SPTBN5: variants seen among roughly 807,000 people sequenced by gnomAD.
SPTBN5 encodes the protein spectrin beta, non-erythrocytic 5, also known as spectrin beta chain, non-erythrocytic 5.
Under a neutral mutation model 477.6 loss-of-function variants are expected in SPTBN5, and 513 were observed. The ratio of observed to expected loss-of-function variants is 1.07; its 90% CI spans 1.00 to 1.16. SPTBN5 has a LOEUF of 1.16. SPTBN5 is among the 50% of genes most tolerant of loss of function. The probability of loss-of-function intolerance (pLI) is 0.00; values close to 1 mark genes in which losing one functional copy is unlikely to be tolerated. For missense variants in SPTBN5, 5,062 were observed against 4,731.8 expected (o/e 1.07, Z -2.05); for synonymous variants, 2,169 against 2,011.7 (o/e 1.08, Z -2.09).
In SPTBN5 at chr15:41,859,952, C is replaced by T. The variant is rs112631984; in HGVS notation, c.7988+634G>A. 5.2e-3 allele frequency among the ~76,000 whole-genome samples: 787 copies of T among 152,300 alleles called. 6 individuals are homozygous for T. The highest frequency in any genetic ancestry group is 0.018 in the African/African-American group (746 of 41,558). On this transcript the variant is annotated intron_variant, in intron 47 of 67. Transcript: ENST00000320955. ...CACCAGTCTGGGATCTGGCTTTTGACCGTATCTGCCTTGATCTAAAAGTCT... is the reference window on the plus strand; with the variant it reads ...CACCAGTCTGGGATCTGGCTTTTGATCGTATCTGCCTTGATCTAAAAGTCT...
At chr15:41,876,453 C>A in intron 20 of SPTBN5, 95 bp downstream of exon 20, 2 of 1,354,938 alleles carry the variant, frequency 1.5e-6, no homozygotes, top group African/African-American at 1.4e-5. Context: ...TGACATAGCG[C>A]GTGAGGAAAG....
chr15:41,852,561 G>C, intron 61 of SPTBN5, 73 bp downstream of exon 61: 1 of 1,486,164 alleles, frequency 6.7e-7, no homozygotes, highest in Non-Finnish European at 9.4e-7. Flanking sequence ...AGTGCCCTGG[G>C]AGACACTGAC....
At position 41,851,101 on chromosome 15, in the gene SPTBN5, C is replaced by G. The variant is rs1443494502; in HGVS notation, c.10793G>C (p.Arg3598Thr). The G allele has an allele frequency of 2.5e-6, 4 of 1,613,136 alleles. No individual in the cohort carries two copies. In the South Asian group the frequency reaches 3.3e-5, roughly 13 times the overall value. Residue 3598 changes from arginine (R) to threonine (T), a missense_variant, in exon 65 of 68, where the codon AGG becomes ACG. Physicochemically the swap from Arg to Thr is moderately conservative, Grantham distance 71. Coordinates refer to ENST00000320955, the MANE Select transcript of SPTBN5 (RefSeq NM_016642.4). ...LLDLTGARCE[R>T]LRGRHGRKHT... is the part of the protein sequence containing the mutation. Reference sequence around the variant, plus strand: ...TTTCCTGCCGTGGCGGCCCCGCAGCCTCTCACACCGGGCTCCCGTGAGGTC... The same window carrying G: ...TTTCCTGCCGTGGCGGCCCCGCAGCGTCTCACACCGGGCTCCCGTGAGGTC...
At position 41,862,188 on chromosome 15, in the gene SPTBN5, G is replaced by T; in HGVS notation, c.7490C>A (p.Pro2497His). 6.2e-7 allele frequency: 1 copy of T among 1,609,632 alleles called. No individual in the cohort carries two copies. Among genetic ancestry groups the T allele is most frequent in the Non-Finnish European group, 8.5e-7 (1 of 1,177,934 alleles). The stretch of plus-strand genomic sequence containing the variant: ...GGCTTCCACAGGGCTGCGAGGAGCG[G>T]GGCTCGTGTCCATCTGAGCCCGCAG... The part of the protein sequence containing the change: ...QRLRAQMDTS[P>H]APRSPVEARR... The change falls in exon 44 of 68, where the codon CCC becomes CAC. Residue 2497 changes from proline to histidine, a missense_variant. Physicochemically the swap from Pro to His is moderately conservative, Grantham distance 77. Transcript: ENST00000320955.
Position 41,855,295 on chromosome 15 carries a change from CGAG to C in SPTBN5, c.9349_9351del (p.Leu3117del), listed in dbSNP as rs2065899391. ...GCCGCCTTGGTGGTCAGCCAGGCGT[CGAG>C]GAGCAGGGTCTCTCGCTCCAGCTGG... On this transcript the variant is annotated inframe_deletion, in exon 55 of 68. Coordinates refer to ENST00000320955, the MANE Select transcript of SPTBN5 (RefSeq NM_016642.4). The C allele has an allele frequency of 6.2e-7, 1 of 1,611,828 alleles. No homozygotes were observed. The highest frequency in any genetic ancestry group is 8.5e-7 in the Non-Finnish European group (1 of 1,179,792).
chr15:41,854,084 A>G lies in SPTBN5; in HGVS notation c.9740T>C (p.Val3247Ala), dbSNP rs1258989246. The change falls in exon 57 of 68, where the codon GTG becomes GCG. Residue 3247 changes from valine (V) to alanine (A), a missense_variant. Val to Ala is a moderately conservative substitution (Grantham distance 64). Coordinates refer to ENST00000320955, the MANE Select transcript of SPTBN5 (RefSeq NM_016642.4). ...CCTGTGCTGTTGCTGCAGGGTCCGCACAGATGACAGGCTGTGGCCTCCGTC... is the reference window on the plus strand; with the variant it reads ...CCTGTGCTGTTGCTGCAGGGTCCGCGCAGATGACAGGCTGTGGCCTCCGTC... ...GEDGGHSLSS[V>A]RTLQQQHRRL... 8.9e-6 allele frequency: 14 copies of G among 1,578,994 alleles called. No individual in the cohort carries two copies. Among genetic ancestry groups the G allele is most frequent in the Non-Finnish European group, 1.2e-5 (14 of 1,164,312 alleles).
rs773407074 is a variant in SPTBN5 at position 41,853,017 on chromosome 15, G to C, written c.10171-17C>G. On this transcript the variant is annotated splice_polypyrimidine_tract_variant and intron_variant, in intron 59 of 67. Coordinates refer to ENST00000320955, the MANE Select transcript of SPTBN5 (RefSeq NM_016642.4). Reference sequence around the variant, plus strand: ...CTCTGTCACCTGGTGGGGAGGGGCTGCTATGGGTGACAGCTTGGGTAGGGC... The same window carrying C: ...CTCTGTCACCTGGTGGGGAGGGGCTCCTATGGGTGACAGCTTGGGTAGGGC... 6.7e-7 allele frequency: 1 copy of C among 1,500,478 alleles called. No homozygotes were observed. Among genetic ancestry groups the C allele is most frequent in the Admixed American group, 2.3e-5 (1 of 44,378 alleles). 92.9% of individuals were successfully genotyped at this position (1,500,478 alleles called of 1,614,324 possible). A position where few individuals can be genotyped will look rare whatever the true frequency, so the allele number is the denominator to read the frequency against.
At chr15:41,878,276 C>T in intron 17 of SPTBN5, 66 bp downstream of exon 17, 1 of 1,554,642 alleles carries the variant, frequency 6.4e-7, no homozygotes, top group Middle Eastern at 1.8e-4. Flanking sequence ...CTTTCTGGGC[C>T]TGAACCCAGA....
At chr15:41,854,464 G>A (rs1010269333) in intron 56 of SPTBN5, among the ~76,000 whole-genome samples, 14 of 152,130 alleles carry the variant, frequency 9.2e-5, no homozygotes, top group African/African-American at 3.4e-4. Flanking sequence ...GACGCGAGGT[G>A]TTGGGTCCAC....
At chr15:41,856,279 G>T in intron 53 of SPTBN5, 107 bp downstream of exon 53, 1 of 1,001,078 alleles carries the variant, frequency 1.0e-6, no homozygotes, top group Non-Finnish European at 1.4e-6. Flanking sequence ...ACCACTGAGT[G>T]GAGGAGACGA....
chr15:41,862,772 C>G lies in SPTBN5; in HGVS notation c.7263+18G>C, dbSNP rs1245379560. 1 of 1,555,234 alleles carries G rather than the reference C, an allele frequency of 6.4e-7. No individual in the cohort carries two copies. The highest frequency in any genetic ancestry group is 8.7e-7 in the Non-Finnish European group (1 of 1,151,870). Reference sequence around the variant, plus strand: ...CTCAGGAGATGCCCTGGGCCCAGCTCTACAGCCAGCTACGCACCTCCACCT... The same window carrying G: ...CTCAGGAGATGCCCTGGGCCCAGCTGTACAGCCAGCTACGCACCTCCACCT... On this transcript the variant is annotated intron_variant, in intron 42 of 67. Coordinates refer to ENST00000320955, the MANE Select transcript of SPTBN5 (RefSeq NM_016642.4).
At chr15:41,890,051 G>A in intron 4 of SPTBN5, 38 bp downstream of exon 4, 1 of 1,408,424 alleles carries the variant, frequency 7.1e-7, no homozygotes. Flanking sequence ...GGGCTGGGCT[G>A]GGTCACCAGG....
At position 41,879,746 on chromosome 15, in the gene SPTBN5, TC is replaced by T; in HGVS notation, c.2929del (p.Glu977AsnfsTer2). ...NSTQIQRQQE[E>X]LSQRWGQLEA... is the part of the protein sequence containing the mutation. ...GCCTCATTCTCACCTCTGGCTCAGT[TC>T]CTCCTGCTGTCGTTGGATTTGTGTG... On this transcript the variant is annotated frameshift_variant, in exon 15 of 68. Coordinates refer to ENST00000320955, the MANE Select transcript of SPTBN5 (RefSeq NM_016642.4). LOFTEE classifies it high-confidence loss of function. The T allele has an allele frequency of 1.2e-6, 2 of 1,613,878 alleles. No individual in the cohort carries two copies. Among genetic ancestry groups the T allele is most frequent in the Middle Eastern group, 3.4e-4 (2 of 5,934 alleles).
rs569840142 is a variant in SPTBN5, at chr15:41,886,486, T to C, written c.889-120A>G. 22 of 1,179,032 alleles carry C rather than the reference T, an allele frequency of 1.9e-5. No homozygotes were observed. In the African/African-American group the frequency reaches 2.3e-4, roughly 12 times the overall value. 73.0% of individuals were successfully genotyped at this position (1,179,032 alleles called of 1,614,324 possible). On this transcript the variant is annotated intron_variant, in intron 6 of 67. Transcript: ENST00000320955. The stretch of plus-strand genomic sequence containing the variant: ...GCTACTTCTCTGAGCCAAAGATGCT[T>C]TGAAGTGGTGGTACCCCCACCCCAG...
chr15:41,856,715 A>G (rs1036003873), intron 52 of SPTBN5, 117 bp from the exon 53 acceptor site: 51 of 1,341,610 alleles, frequency 3.8e-5, no homozygotes, highest in Non-Finnish European at 3.7e-5. Context: ...CCCTGTCCCC[A>G]TGACTCCCAA....
chr15:41,848,555 T>G lies in SPTBN5; in HGVS notation c.*61A>C, dbSNP rs1396632758. The stretch of plus-strand genomic sequence containing the variant: ...TTTTGCCTGTAGCTGAGTCTTATTC[T>G]GGTCCCTTAGATGTGTCCTCGCTTG... On this transcript the variant is annotated 3_prime_UTR_variant, in exon 68 of 68. Transcript: ENST00000320955. The G allele has an allele frequency of 1.2e-6, 2 of 1,606,324 alleles. No homozygotes were observed. The highest frequency in any genetic ancestry group is 1.7e-6 in the Non-Finnish European group (2 of 1,173,110).
chr15:41,880,128 G>A (rs368407418), intron 14 of SPTBN5, 32 bp downstream of exon 14: 90 of 1,552,332 alleles, frequency 5.8e-5, no homozygotes, highest in Admixed American at 3.8e-4. Flanking sequence ...GGGGCAAGGC[G>A]AGGAGGAGGT....
Position 41,871,279 on chromosome 15 carries a change from C to T in SPTBN5, c.5447+96G>A, listed in dbSNP as rs371041608. 4.4e-4 allele frequency: 576 copies of T among 1,294,772 alleles called. 6 individuals carry two copies. In the East Asian group the frequency reaches 0.014, roughly 31 times the overall value. 80.2% of individuals were successfully genotyped at this position (1,294,772 alleles called of 1,614,324 possible). On this transcript the variant is annotated intron_variant, in intron 29 of 67. Transcript: ENST00000320955. ...CCGTGGGCAGCCAGGGCCAGTGTGG[C>T]CCTCACAGCATGCCATCCTCTCTTA...
rs541378326 is a variant in SPTBN5 at position 41,878,501 on chromosome 15, C to T, written c.3311G>A (p.Arg1104Gln). 2.7e-5 allele frequency: 44 copies of T among 1,613,276 alleles called. No homozygotes were observed. Among genetic ancestry groups the T allele is most frequent in the South Asian group, 2.3e-4 (21 of 91,022 alleles). The change falls in exon 17 of 68, where the codon CGG becomes CAG. Residue 1104 changes from arginine (R) to glutamine (Q), a missense_variant. By Grantham distance (43) the Arg-to-Gln change is conservative. Coordinates refer to ENST00000320955, the MANE Select transcript of SPTBN5 (RefSeq NM_016642.4). ...CTGGCTCTCTTGCAGGAAGCTCTGCCGGGCCTGAGTCTCAGCCTGGCGCCG... is the reference window on the plus strand; with the variant it reads ...CTGGCTCTCTTGCAGGAAGCTCTGCTGGGCCTGAGTCTCAGCCTGGCGCCG... ...RARRQAETQARQSFLQESQQL... is the reference protein window; with the variant it reads ...RARRQAETQAQQSFLQESQQL...
Sources: gnomAD v4.1 joint callset for allele counts (sites outside exome capture counted in the v4.1 genomes callset) on GRCh38, gnomAD v4.1.1 for gene constraint, MANE v1.5 for transcripts, NCBI Gene and HGNC (gene_info 2026-07-23, HGNC 2026-07-21) for gene names.